PPP1R7: variants seen among roughly 807,000 people sequenced by gnomAD.
PPP1R7 encodes protein phosphatase 1 regulatory subunit 7, also known as protein phosphatase 1 regulatory subunit 22.
A neutral mutation model predicts 45.2 loss-of-function variants in PPP1R7; 18 were observed. The ratio of observed to expected loss-of-function variants is 0.40; its 90% CI spans 0.28 to 0.59. PPP1R7 has a LOEUF of 0.59. Ranked by LOEUF, PPP1R7 falls within the 20% of genes least tolerant of loss-of-function variation. The probability of loss-of-function intolerance (pLI) is 0.46; values close to 1 mark genes in which losing one functional copy is unlikely to be tolerated. For synonymous variants in PPP1R7, 181 were observed against 183.4 expected (o/e 0.99, Z 0.11); for missense variants, 314 against 455.8 (o/e 0.69, Z 2.83).
chr2:241,155,844 T>C (rs1312259616), intron 2 of PPP1R7, among the ~76,000 whole-genome samples: 1 of 152,376 alleles, frequency 6.6e-6, no homozygotes, highest in Non-Finnish European at 1.5e-5. Flanking sequence ...TTCCTGAGTT[T>C]ATGAACGGTG....
intron 7 of PPP1R7, 132 bp downstream of exon 7, chr2:241,163,533 C>A: frequency 1.5e-6 from 1 of 660,840 alleles, no homozygotes; most frequent in South Asian, 1.9e-5. Context: ...GCAATTGAAA[C>A]ATTAGATGCC....
At chr2:241,150,003 G>C (rs2067209560), upstream of PPP1R7, 5 of 1,406,354 alleles carry the variant, frequency 3.6e-6, no homozygotes, top group Non-Finnish European at 4.6e-6. Context: ...TGTTGCTCTT[G>C]CCGTTCGGCC....
chr2:241,153,867 G>A (rs956210235), intron 2 of PPP1R7, among the ~76,000 whole-genome samples: 3 of 152,146 alleles, frequency 2.0e-5, no homozygotes, highest in African/African-American at 7.2e-5. Flanking sequence ...ATGGGTACTA[G>A]TATGCCGTCT....
chr2:241,158,999 G>C (rs1454853506), intron 4 of PPP1R7: 11 of 561,120 alleles, frequency 2.0e-5, no homozygotes, highest in African/African-American at 3.7e-5. Context: ...GCCTCCCTTT[G>C]GGTTCCCGCC....
At position 241,153,573 on chromosome 2, in the gene PPP1R7, T is replaced by C; in HGVS notation, c.150T>C (p.Asp50=). 1 of 1,613,862 alleles carries C rather than the reference T, an allele frequency of 6.2e-7. No individual in the cohort carries two copies. The highest frequency in any genetic ancestry group is 8.5e-7 in the Non-Finnish European group (1 of 1,179,970). The change falls in exon 2 of 10, where the codon GAT becomes GAC. Residue 50 remains aspartate, a synonymous_variant. Transcript: ENST00000234038. ...ACCTCAGTGAACAGAGCCTGAAGGA[T>C]GGGGAGGAGCGGGGGGAGGAGGACC... The part of the protein sequence containing the change: ...VADLSEQSLK[D]GEERGEEDPE...
rs765398165 is a variant in PPP1R7, at chr2:241,173,026, TCA to T, written c.906+3163_906+3164del. ...TAGAGATGGGGCCAGACACGGTGGC[TCA>T]CACCTGTAATCCCAAGGTGGATCAC... On this transcript the variant is annotated intron_variant, in intron 9 of 9. Coordinates refer to ENST00000234038, the MANE Select transcript of PPP1R7 (RefSeq NM_002712.3). 9.2e-5 allele frequency among the ~76,000 whole-genome samples: 14 copies of T among 151,878 alleles called. No homozygotes were observed. In the East Asian group the frequency reaches 2.7e-3, roughly 29 times the overall value.
chr2:241,154,095 G>A (rs11889836), intron 2 of PPP1R7, among the ~76,000 whole-genome samples: 67,823 of 147,948 alleles, frequency 0.46, 15,687 homozygotes, highest in East Asian at 0.68. Flanking sequence ...CAGGAGAACC[G>A]CTTGAACCCA....
rs1559426977 is a variant in PPP1R7 at position 241,173,999 on chromosome 2, A to G, written c.906+4132A>G. 2.7e-5 allele frequency among the ~76,000 whole-genome samples: 4 copies of G among 149,754 alleles called. 1 individual carries two copies. The East Asian group carries it at 7.8e-4, about 29-fold the overall frequency. On this transcript the variant is annotated intron_variant, in intron 9 of 9. Coordinates refer to ENST00000234038, the MANE Select transcript of PPP1R7 (RefSeq NM_002712.3). ...AGTCCTTCCTTCTTCACGTCTTGTAATTTTTTATTAGATCCTGGGCTTTAT... is the reference window on the plus strand; with the variant it reads ...AGTCCTTCCTTCTTCACGTCTTGTAGTTTTTTATTAGATCCTGGGCTTTAT...
intron 7 of PPP1R7, among the ~76,000 whole-genome samples, chr2:241,164,892 A>T (rs2067671673): frequency 1.3e-5 from 2 of 152,054 alleles, no homozygotes. Context: ...TACTGAAAAT[A>T]CAAAAATTAG....
At chr2:241,178,292 T>C (rs942443983) in intron 9 of PPP1R7, among the ~76,000 whole-genome samples, 6 of 152,218 alleles carry the variant, frequency 3.9e-5, no homozygotes, top group African/African-American at 1.4e-4. Flanking sequence ...GGCGCCTCTG[T>C]TTTCAACCAC....
intron 2 of PPP1R7, chr2:241,155,007 A>G (rs2067420238): frequency 6.6e-6 from 1 of 152,264 alleles, no homozygotes; most frequent in Non-Finnish European, 1.5e-5. Context: ...TACCAGTCAC[A>G]TTCACTTTGG....
intron 2 of PPP1R7, among the ~76,000 whole-genome samples, chr2:241,155,967 C>CT (rs941482994): frequency 1.3e-4 from 19 of 150,156 alleles, no homozygotes; most frequent in East Asian, 3.9e-4. Context: ...CTATAGTAAA[C>CT]TTTTTTTTTT....
rs148698518 is a variant in PPP1R7, at chr2:241,175,255, G to A, written c.906+5388G>A. Among the ~76,000 whole-genome samples, 463 of 152,268 alleles carry A rather than the reference G, an allele frequency of 3.0e-3. 2 individuals are homozygous for A. The highest frequency in any genetic ancestry group is 0.01 in the African/African-American group (429 of 41,542). Reference sequence around the variant, plus strand: ...TGGTATTCAGCACATTCGTAATGGTGCACAGCCATCACCACCGTCCATCTC... The same window carrying A: ...TGGTATTCAGCACATTCGTAATGGTACACAGCCATCACCACCGTCCATCTC... On this transcript the variant is annotated intron_variant, in intron 9 of 9. Transcript: ENST00000234038.
intron 2 of PPP1R7, among the ~76,000 whole-genome samples, 157 bp from the exon 3 acceptor site, chr2:241,157,650 T>C (rs749498929): frequency 7.9e-5 from 12 of 152,232 alleles, no homozygotes; most frequent in Non-Finnish European, 1.3e-4. Context: ...CCCTGCCACA[T>C]TCTCCAGGTC....
intron 8 of PPP1R7, among the ~76,000 whole-genome samples, chr2:241,169,499 G>T (rs2067778021): frequency 6.6e-6 from 1 of 152,234 alleles, no homozygotes; most frequent in South Asian, 2.1e-4. Flanking sequence ...AATGGACAGG[G>T]ATCTGGGAGG....
At chr2:241,166,007 G>A (rs183976958) in intron 7 of PPP1R7, among the ~76,000 whole-genome samples, 18 of 146,878 alleles carry the variant, frequency 1.2e-4, no homozygotes, top group South Asian at 2.3e-4. Context: ...GGTTCACGCC[G>A]TTCTCCTGCC....
At position 241,160,386 on chromosome 2, in the gene PPP1R7, G is replaced by A. The variant is rs561741332; in HGVS notation, c.489G>A (p.Leu163=). ...GAAACATCGAAGGGGTTGACAAGTT[G>A]ACACGACTGAAAAAACTCTTCTTGG... is the stretch of plus-strand genomic sequence containing the variant. ...LLRNIEGVDK[L]TRLKKLFLVN... Residue 163 remains leucine, a synonymous_variant, in exon 6 of 10, where the codon TTG becomes TTA. Coordinates refer to ENST00000234038, the MANE Select transcript of PPP1R7 (RefSeq NM_002712.3). 15 of 1,612,840 alleles carry A rather than the reference G, an allele frequency of 9.3e-6. No individual in the cohort carries two copies. The South Asian group carries it at 1.4e-4, about 15-fold the overall frequency.
At chr2:241,165,730 A>G (rs1471012914) in intron 7 of PPP1R7, among the ~76,000 whole-genome samples, 2 of 151,490 alleles carry the variant, frequency 1.3e-5, no homozygotes, top group East Asian at 3.9e-4. Context: ...AGTAGCTGGG[A>G]CTACAGGCAC....
chr2:241,172,779 G>A lies in PPP1R7; in HGVS notation c.906+2912G>A, dbSNP rs548934020. On this transcript the variant is annotated intron_variant, in intron 9 of 9. Coordinates refer to ENST00000234038, the MANE Select transcript of PPP1R7 (RefSeq NM_002712.3). ...ACCTGAAGAATTCTATTGTTTTGTCGTGCATTCTGCAGTAAACCAATCCTT... is the reference window on the plus strand; with the variant it reads ...ACCTGAAGAATTCTATTGTTTTGTCATGCATTCTGCAGTAAACCAATCCTT... Among the ~76,000 whole-genome samples, 142 of 151,758 alleles carry A rather than the reference G, an allele frequency of 9.4e-4. 1 individual carries two copies. The South Asian group carries it at 0.026, about 28-fold the overall frequency.
Sources: gnomAD v4.1 joint callset for allele counts (sites outside exome capture counted in the v4.1 genomes callset) on GRCh38, gnomAD v4.1.1 for gene constraint, MANE v1.5 for transcripts, NCBI Gene and HGNC (gene_info 2026-07-23, HGNC 2026-07-21) for gene names.